The following RTN3 variants were observed in gnomAD, a reference collection of about 807,000 sequenced individuals.
RTN3 encodes the protein reticulon-3.
A neutral mutation model predicts 77.8 loss-of-function variants in RTN3; 49 were observed. That is an observed-to-expected ratio of 0.63 (90% CI 0.50 to 0.80). The LOEUF (loss-of-function observed/expected upper bound fraction) is 0.80. Among genes scored for constraint, RTN3 ranks in the 30% least tolerant of loss-of-function variants. The probability of loss-of-function intolerance (pLI) is 0.00; values close to 1 mark genes in which losing one functional copy is unlikely to be tolerated. For synonymous variants in RTN3, 464 were observed against 446.9 expected (o/e 1.04, Z -0.48); for missense variants, 1,236 against 1,211.9 (o/e 1.02, Z -0.29).
chr11:63,715,195 CA>C (rs1195993712), intron 2 of RTN3, among the ~76,000 whole-genome samples: 1 of 152,124 alleles, frequency 6.6e-6, no homozygotes, highest in Non-Finnish European at 1.5e-5. Context: ...TCCATAAAGG[CA>C]AGAAATTTTT....
At chr11:63,749,176 G>A (rs538808417) in intron 3 of RTN3, among the ~76,000 whole-genome samples, 23 of 152,254 alleles carry the variant, frequency 1.5e-4, no homozygotes, top group African/African-American at 4.8e-4. Context: ...GCTACTCAGA[G>A]GCTGAGGTAG....
intron 1 of RTN3, among the ~76,000 whole-genome samples, chr11:63,695,851 G>T (rs1464222675): frequency 6.6e-6 from 1 of 152,066 alleles, no homozygotes; most frequent in African/African-American, 2.4e-5. Context: ...AGAGAAAAGG[G>T]GCGTTAGGGA....
intron 3 of RTN3, among the ~76,000 whole-genome samples, chr11:63,734,781 A>ACACACACACACACACCCCCCCC (rs778043704): frequency 9.5e-6 from 1 of 105,000 alleles, no homozygotes; most frequent in African/African-American, 3.9e-5. Flanking sequence ...ACACACACAC[A>ACACACACACACACACCCCCCCC]CCATACTGGA....
At chr11:63,751,274 G>C (rs1022707828) in intron 4 of RTN3, among the ~76,000 whole-genome samples, 1 of 152,230 alleles carries the variant, frequency 6.6e-6, no homozygotes, top group Admixed American at 6.5e-5. Context: ...GGTAAGACTT[G>C]ACATGACTTT....
intron 8 of RTN3, among the ~76,000 whole-genome samples, chr11:63,757,249 C>T (rs1355632732): frequency 6.6e-6 from 1 of 152,196 alleles, no homozygotes; most frequent in African/African-American, 2.4e-5. Context: ...TATTGACAAA[C>T]ATCTTTATGA....
intron 3 of RTN3, among the ~76,000 whole-genome samples, chr11:63,727,150 G>GA (rs970171652): frequency 2.6e-5 from 4 of 151,084 alleles, no homozygotes; most frequent in South Asian, 4.2e-4. Context: ...ACTCTATCTT[G>GA]AAAAAAAAAG....
At chr11:63,707,060 A>G (rs1442456804) in intron 2 of RTN3, among the ~76,000 whole-genome samples, 1 of 151,944 alleles carries the variant, frequency 6.6e-6, no homozygotes, top group African/African-American at 2.4e-5. Flanking sequence ...CACCACGCCC[A>G]GCTAATTTTT....
chr11:63,718,616 AAAT>A lies in RTN3; in HGVS notation c.200-83_200-81del, dbSNP rs549771073. The A allele has an allele frequency of 7.8e-5, 73 of 936,514 alleles. No individual in the cohort carries two copies. The African/African-American group carries it at 1.2e-3, about 15-fold the overall frequency. The allele number at this position is 936,514 out of a possible 1,614,324, so 58.0% of individuals were successfully genotyped here. A position where few individuals can be genotyped will look rare whatever the true frequency, so the allele number is the denominator to read the frequency against. On this transcript the variant is annotated intron_variant, in intron 2 of 8. Transcript: ENST00000377819. Reference sequence around the variant, plus strand: ...TATATATATATTTATGTAATTTAAAAAATAAAAAGCATGCTGCTTGGCTTGGCT... The same window carrying A: ...TATATATATATTTATGTAATTTAAAAAAAAAGCATGCTGCTTGGCTTGGCT...
At chr11:63,738,487 A>T (rs893694664) in intron 3 of RTN3, among the ~76,000 whole-genome samples, 2 of 152,062 alleles carry the variant, frequency 1.3e-5, no homozygotes, top group Admixed American at 6.6e-5. Flanking sequence ...CAAAAAATTT[A>T]AAAAATTAGC....
chr11:63,739,401 C>G (rs752268634), intron 3 of RTN3, among the ~76,000 whole-genome samples: 97 of 152,276 alleles, frequency 6.4e-4, no homozygotes, highest in South Asian at 1.7e-3. Flanking sequence ...CCCTGTAGGA[C>G]TTTAGGAAGA....
chr11:63,705,278 A>G (rs1218298646), intron 2 of RTN3, among the ~76,000 whole-genome samples: 3 of 152,220 alleles, frequency 2.0e-5, no homozygotes, highest in Non-Finnish European at 4.4e-5. Flanking sequence ...ACTTGAACTC[A>G]TGAGTTTGAG....
At chr11:63,753,171 T>C (rs766857641) in intron 6 of RTN3, 33 bp downstream of exon 6, 16 of 1,579,286 alleles carry the variant, frequency 1.0e-5, no homozygotes, top group Middle Eastern at 3.3e-4. Context: ...CCCATGCTCT[T>C]TGAAGTAGTT....
chr11:63,702,178 T>G (rs1942267472), intron 1 of RTN3, among the ~76,000 whole-genome samples: 1 of 148,824 alleles, frequency 6.7e-6, no homozygotes, highest in Non-Finnish European at 1.5e-5. Flanking sequence ...GTTCAGTATT[T>G]AGGGACAATT....
intron 2 of RTN3, 129 bp from the exon 3 acceptor site, chr11:63,718,569 GTATA>G: frequency 1.8e-6 from 1 of 560,934 alleles, no homozygotes; most frequent in Non-Finnish European, 3.0e-6. Context: ...ATTTATGTGT[GTATA>G]TATACATCCT....
chr11:63,711,585 C>T (rs72932279), intron 2 of RTN3, among the ~76,000 whole-genome samples: 2,205 of 151,672 alleles, frequency 0.015, 24 homozygotes, highest in Non-Finnish European at 0.023. Flanking sequence ...ATTTTTGAGA[C>T]GGAGTTTTCG....
At chr11:63,725,699 G>A (rs1007788304) in intron 3 of RTN3, among the ~76,000 whole-genome samples, 7 of 152,072 alleles carry the variant, frequency 4.6e-5, no homozygotes, top group Non-Finnish European at 7.4e-5. Context: ...TGATCCGCCC[G>A]CCTCGGCCTC....
Position 63,704,625 on chromosome 11 carries a change from A to G in RTN3, c.143-226A>G, listed in dbSNP as rs1942407292. Reference sequence around the variant, plus strand: ...TGAAGGTGAGAATGTTTGACTAAAAAAAAAAAAATGAATGGATTAACTTTT... The same window carrying G: ...TGAAGGTGAGAATGTTTGACTAAAAGAAAAAAAATGAATGGATTAACTTTT... On this transcript the variant is annotated intron_variant, in intron 1 of 8. Transcript: ENST00000377819. 1.3e-5 allele frequency among the ~76,000 whole-genome samples: 2 copies of G among 152,162 alleles called. 1 individual carries two copies. The highest frequency in any genetic ancestry group is 4.1e-4 in the South Asian group (2 of 4,834).
At chr11:63,756,341 G>GA (rs148062878) in intron 8 of RTN3, among the ~76,000 whole-genome samples, 171 bp downstream of exon 8, 100 of 151,944 alleles carry the variant, frequency 6.6e-4, no homozygotes, top group Middle Eastern at 3.4e-3. Context: ...CTATAAAAAG[G>GA]AAAAAAAATC....
chr11:63,755,865 A>G (rs962123975), intron 7 of RTN3, among the ~76,000 whole-genome samples: 2 of 151,870 alleles, frequency 1.3e-5, no homozygotes, highest in Non-Finnish European at 2.9e-5. Flanking sequence ...AGGCTGAGGC[A>G]GGAGAATGGC....
Sources: gnomAD v4.1 joint callset for allele counts (sites outside exome capture counted in the v4.1 genomes callset) on GRCh38, gnomAD v4.1.1 for gene constraint, MANE v1.5 for transcripts, NCBI Gene and HGNC (gene_info 2026-07-23, HGNC 2026-07-21) for gene names.